ZNF737: variants seen among roughly 807,000 people sequenced by gnomAD.
ZNF737 encodes the protein zinc finger protein 737.
A neutral mutation model predicts 11.7 loss-of-function variants in ZNF737; 13 were observed. That is an observed-to-expected ratio of 1.11 (90% CI 0.73 to 1.77). The LOEUF (loss-of-function observed/expected upper bound fraction) is 1.77. Ranked by LOEUF, ZNF737 falls within the 40% of genes most tolerant of loss-of-function variation. ZNF737 has a pLI of 0.00. For synonymous variants in ZNF737, 217 were observed against 216.2 expected, an observed-to-expected ratio of 1.00 and a Z score of -0.03; for missense variants, 636 against 638.0, an observed-to-expected ratio of 1.00 and a Z score of 0.03.
chr19:20,544,005 G>A lies in ZNF737; in HGVS notation c.*587C>T, dbSNP rs1368158931. 1 of 612,146 alleles carries A rather than the reference G, an allele frequency of 1.6e-6. No homozygotes were observed. Among genetic ancestry groups the A allele is most frequent in the Non-Finnish European group, 2.0e-6 (1 of 489,670 alleles). 37.9% of individuals were successfully genotyped at this position (612,146 alleles called of 1,614,324 possible). On this transcript the variant is annotated 3_prime_UTR_variant, in exon 4 of 4. Coordinates refer to ENST00000427401, the MANE Select transcript of ZNF737 (RefSeq NM_001159293.2). ...TAGCTGGGCATGTTGGAGGACACCT[G>A]TAATCCCAGCTACTCAGGAAGCTGA...
At chr19:20,547,794 C>T (rs782376440) in intron 3 of ZNF737, among the ~76,000 whole-genome samples, 5 of 152,034 alleles carry the variant, frequency 3.3e-5, no homozygotes, top group Admixed American at 2.6e-4. Context: ...TGGTGGAAAA[C>T]AAAGACACAG....
rs1968441393 is a variant in ZNF737 at position 20,545,965 on chromosome 19, G to A, written c.238C>T (p.His80Tyr). 4 of 1,546,410 alleles carry A rather than the reference G, an allele frequency of 2.6e-6. No homozygotes were observed. The highest frequency in any genetic ancestry group is 1.3e-5 in the South Asian group (1 of 78,218). ...MVANPSVTCSHFARDLWPEQS... is the reference protein window; with the variant it reads ...MVANPSVTCSYFARDLWPEQS... ...TCTGGCCAAAGATCTCGGGCAAAATGAGAACACGTAACTGAAAGAAACAAT... is the reference window on the plus strand; with the variant it reads ...TCTGGCCAAAGATCTCGGGCAAAATAAGAACACGTAACTGAAAGAAACAAT... The change falls in exon 4 of 4, where the codon CAT (histidine) becomes TAT (tyrosine). Residue 80 changes from histidine to tyrosine, a missense_variant. By Grantham distance (83) the His-to-Tyr change is moderately conservative. Transcript: ENST00000427401.
At chr19:20,537,591 A>AG (rs1222267474), downstream of ZNF737, among the ~76,000 whole-genome samples, 1 of 131,928 alleles carries the variant, frequency 7.6e-6, no homozygotes, top group Non-Finnish European at 1.5e-5. Context: ...ATCTCGGCTC[A>AG]CTGCAGTCTC....
At position 20,542,993 on chromosome 19, in the gene ZNF737, C is replaced by T. The variant is rs1319401033; in HGVS notation, c.*1599G>A. 1.0e-6 allele frequency: 1 copy of T among 984,830 alleles called. No homozygotes were observed. Among genetic ancestry groups the T allele is most frequent in the Non-Finnish European group, 1.2e-6 (1 of 829,570 alleles). 61.0% of individuals were successfully genotyped at this position (984,830 alleles called of 1,614,324 possible). On this transcript the variant is annotated 3_prime_UTR_variant, in exon 4 of 4. Coordinates refer to ENST00000427401, the MANE Select transcript of ZNF737 (RefSeq NM_001159293.2). Reference sequence around the variant, plus strand: ...TTTAAAGTTAAATAGAAATCATTTACCTAAAAACTGCAGTTGTGGATTAGT... The same window carrying T: ...TTTAAAGTTAAATAGAAATCATTTATCTAAAAACTGCAGTTGTGGATTAGT...
In ZNF737 at chr19:20,541,417, T is replaced by C. The variant is rs1325143069; in HGVS notation, c.*3175A>G. ...AAAACTATATTACAAGTATTTATAA[T>C]TTTTCAGGACTCAGAAATGTATGGA... On this transcript the variant is annotated 3_prime_UTR_variant, in exon 4 of 4. Coordinates refer to ENST00000427401, the MANE Select transcript of ZNF737 (RefSeq NM_001159293.2). 1.0e-6 allele frequency: 1 copy of C among 981,488 alleles called. No individual in the cohort carries two copies. Among genetic ancestry groups the C allele is most frequent in the Admixed American group, 6.2e-5 (1 of 16,248 alleles). 60.8% of individuals were successfully genotyped at this position (981,488 alleles called of 1,614,324 possible).
rs1555755176 is a variant in ZNF737, at chr19:20,541,855, T to C, written c.*2737A>G. On this transcript the variant is annotated 3_prime_UTR_variant, in exon 4 of 4. Coordinates refer to ENST00000427401, the MANE Select transcript of ZNF737 (RefSeq NM_001159293.2). ...CACTATTGGTAATACAAAAGATAAA[T>C]GCTAGAGGTGATGGATACCTTATTT... is the stretch of plus-strand genomic sequence containing the variant. 5.0e-6 allele frequency: 1 copy of C among 201,310 alleles called. No homozygotes were observed. The highest frequency in any genetic ancestry group is 2.4e-5 in the African/African-American group (1 of 42,340). The allele number at this position is 201,310 out of a possible 1,614,324, so 12.5% of individuals were successfully genotyped here.
chr19:20,532,881 C>T (rs1967864093), downstream of ZNF737, among the ~76,000 whole-genome samples: 1 of 149,990 alleles, frequency 6.7e-6, no homozygotes, highest in African/African-American at 2.5e-5. Context: ...TCATCATCAT[C>T]TATCTTCTAA....
chr19:20,545,800 G>C lies in ZNF737; in HGVS notation c.403C>G (p.Gln135Glu). 1 of 1,612,990 alleles carries C rather than the reference G, an allele frequency of 6.2e-7. No homozygotes were observed. The highest frequency in any genetic ancestry group is 8.5e-7 in the Non-Finnish European group (1 of 1,179,602). The stretch of plus-strand genomic sequence containing the variant: ...TTGCTTTGAGTAGTTGTCAAATATT[G>C]GTTAAGTCCATTATAACCTCTTTTG... ...VHKRGYNGLN[Q>E]YLTTTQSKIF... The change falls in exon 4 of 4, where the codon CAA becomes GAA. Residue 135 changes from glutamine to glutamate, a missense_variant. By Grantham distance (29) the Gln-to-Glu change is conservative. Transcript: ENST00000427401.
downstream of ZNF737, among the ~76,000 whole-genome samples, chr19:20,531,035 G>C (rs1420323637): frequency 6.8e-6 from 1 of 147,068 alleles, no homozygotes; most frequent in East Asian, 2.1e-4. Flanking sequence ...AGACTAGCCC[G>C]GCCAACACAG....
chr19:20,537,844 TAAAATTCTTCGCTAAGAAGAC>T (rs1968041116), downstream of ZNF737: 1 of 161,678 alleles, frequency 6.2e-6, no homozygotes, highest in Admixed American at 6.6e-5. Context: ...ACTGGTAATA[TAAAATTCTTCGCTAAGAAGAC>T]ATGATCTTAT....
chr19:20,536,182 C>G (rs782806115), downstream of ZNF737: 68 of 740,340 alleles, frequency 9.2e-5, no homozygotes, highest in Non-Finnish European at 1.1e-4. Flanking sequence ...CATCAGTAAC[C>G]CTTCTAGTAA....
At chr19:20,557,358 C>A (rs1968925339) in intron 1 of ZNF737, among the ~76,000 whole-genome samples, 1 of 151,992 alleles carries the variant, frequency 6.6e-6, no homozygotes, top group South Asian at 2.1e-4. Context: ...TAGGGTCAGA[C>A]CTAAATAAGG....
chr19:20,556,994 A>G (rs1003774108), intron 1 of ZNF737, among the ~76,000 whole-genome samples: 1 of 152,148 alleles, frequency 6.6e-6, no homozygotes, highest in Non-Finnish European at 1.5e-5. Flanking sequence ...TCTCTCATCA[A>G]TTTTTTAAAA....
In ZNF737 at chr19:20,544,496, C is replaced by T; in HGVS notation, c.*96G>A. On this transcript the variant is annotated 3_prime_UTR_variant, in exon 4 of 4. Coordinates refer to ENST00000427401, the MANE Select transcript of ZNF737 (RefSeq NM_001159293.2). ...TGAGGATGAAATAAAGGCTTTGCCACATTTATCACACTTGTACAGTTTCCC... is the reference window on the plus strand; with the variant it reads ...TGAGGATGAAATAAAGGCTTTGCCATATTTATCACACTTGTACAGTTTCCC... 6.5e-7 allele frequency: 1 copy of T among 1,528,470 alleles called. No individual in the cohort carries two copies. Among genetic ancestry groups the T allele is most frequent in the Non-Finnish European group, 8.7e-7 (1 of 1,145,508 alleles). 94.7% of individuals were successfully genotyped at this position (1,528,470 alleles called of 1,614,324 possible). A position where few individuals can be genotyped will look rare whatever the true frequency, so the allele number is the denominator to read the frequency against.
intron 3 of ZNF737, among the ~76,000 whole-genome samples, chr19:20,549,686 T>C (rs1968594408): frequency 6.6e-6 from 1 of 151,828 alleles, no homozygotes; most frequent in South Asian, 2.1e-4. Flanking sequence ...TCTCAACACT[T>C]TGGGAGGCCA....
Position 20,541,991 on chromosome 19 carries a change from TAAAG to T in ZNF737, c.*2597_*2600del, listed in dbSNP as rs1260290643. 9.4e-5 allele frequency: 92 copies of T among 979,080 alleles called. No individual in the cohort carries two copies. Among genetic ancestry groups the T allele is most frequent in the South Asian group, 1.9e-4 (4 of 21,142 alleles). 60.6% of individuals were successfully genotyped at this position (979,080 alleles called of 1,614,324 possible). On this transcript the variant is annotated 3_prime_UTR_variant, in exon 4 of 4. Coordinates refer to ENST00000427401, the MANE Select transcript of ZNF737 (RefSeq NM_001159293.2). The stretch of plus-strand genomic sequence containing the variant: ...GAATACAAATAAAAAATTTAAATAA[TAAAG>T]AGTCAAAATTTAATCTATGGGAACA...
intron 1 of ZNF737, among the ~76,000 whole-genome samples, chr19:20,558,192 G>A (rs1039697802): frequency 1.1e-4 from 16 of 151,628 alleles, no homozygotes; most frequent in African/African-American, 3.9e-4. Flanking sequence ...CCTGAAGCAG[G>A]AGAATCGCTT....
chr19:20,552,809 A>C (rs182417854), intron 2 of ZNF737, among the ~76,000 whole-genome samples: 10 of 152,000 alleles, frequency 6.6e-5, no homozygotes, highest in South Asian at 2.1e-4. Flanking sequence ...GTCATGAGTT[A>C]GAGACCAGCC....
downstream of ZNF737, among the ~76,000 whole-genome samples, chr19:20,534,767 A>G (rs1260348204): frequency 6.7e-6 from 1 of 149,950 alleles, no homozygotes; most frequent in Non-Finnish European, 1.5e-5. Flanking sequence ...AGCCTCTTTC[A>G]TACAACTGGG....
Sources: gnomAD v4.1 joint callset for allele counts (sites outside exome capture counted in the v4.1 genomes callset) on GRCh38, gnomAD v4.1.1 for gene constraint, MANE v1.5 for transcripts, NCBI Gene and HGNC (gene_info 2026-07-23, HGNC 2026-07-21) for gene names.